The following WDPCP variants were observed in gnomAD, a reference collection of about 807,000 sequenced individuals.
WDPCP encodes the protein WD repeat-containing and planar cell polarity effector protein fritz homolog.
A neutral mutation model predicts 93.1 loss-of-function variants in WDPCP; 71 were observed. That is an observed-to-expected ratio of 0.76 (90% CI 0.63 to 0.93). WDPCP has a LOEUF of 0.93. Among genes scored for constraint, WDPCP ranks in the 40% least tolerant of loss-of-function variants. The pLI, the probability that WDPCP is intolerant of heterozygous loss-of-function variation, is 0.00. For missense variants in WDPCP, 844 were observed against 887.4 expected (o/e 0.95, Z 0.62); for synonymous variants, 315 against 315.0 (o/e 1.00, Z 0.00).
chr2:63,432,652 CAG>C lies in WDPCP; in HGVS notation c.825+1091_825+1092del, dbSNP rs140114173. Among the ~76,000 whole-genome samples the C allele has an allele frequency of 5.1e-3, 773 of 152,196 alleles. 10 individuals carry two copies. Among genetic ancestry groups the C allele is most frequent in the African/African-American group, 0.017 (715 of 41,548 alleles). On this transcript the variant is annotated intron_variant, in intron 9 of 17. Transcript: ENST00000272321. ...ACTGGAAAGGCAGGCCAAGGGCAAT[CAG>C]GGTGGGTTTTTTAGTGCTGAGGCTG... is the stretch of plus-strand genomic sequence containing the variant.
intron 8 of WDPCP, 91 bp downstream of exon 8, chr2:63,437,330 G>T: frequency 9.3e-7 from 1 of 1,074,760 alleles, no homozygotes; most frequent in Non-Finnish European, 1.3e-6. Context: ...ATCCAGAAAT[G>T]TTGAAGAATA....
chr2:63,714,031 GAAC>G (rs1445913717), intron 2 of WDPCP, among the ~76,000 whole-genome samples: 1 of 151,604 alleles, frequency 6.6e-6, no homozygotes, highest in Admixed American at 6.6e-5. Context: ...TCTTCGCTGC[GAAC>G]AACTATGTAT....
intron 13 of WDPCP, among the ~76,000 whole-genome samples, chr2:63,268,090 G>A (rs1390361193): frequency 6.6e-6 from 1 of 152,070 alleles, no homozygotes; most frequent in Non-Finnish European, 1.5e-5. Context: ...ATGGTTGAAT[G>A]GATAAAGGCA....
intron 13 of WDPCP, among the ~76,000 whole-genome samples, chr2:63,301,572 A>G (rs933167571): frequency 6.6e-6 from 1 of 152,196 alleles, no homozygotes; most frequent in African/African-American, 2.4e-5. Flanking sequence ...TCAAAGGGAA[A>G]TCACAGGCAG....
intron 2 of WDPCP, among the ~76,000 whole-genome samples, chr2:63,810,583 G>C (rs1476572715): frequency 7.2e-5 from 11 of 152,136 alleles, no homozygotes; most frequent in Admixed American, 7.2e-4. Flanking sequence ...AGCTATAAAA[G>C]AATTCCCTAA....
intron 9 of WDPCP, among the ~76,000 whole-genome samples, chr2:63,423,890 A>G (rs1464330830): frequency 6.6e-6 from 1 of 152,184 alleles, no homozygotes; most frequent in African/African-American, 2.4e-5. Flanking sequence ...ACGTACCTCT[A>G]CCACTGAGAG....
chr2:63,462,363 A>G (rs139369833), intron 6 of WDPCP, among the ~76,000 whole-genome samples: 3,098 of 152,122 alleles, frequency 0.02, 125 homozygotes, highest in African/African-American at 0.071. Context: ...GGTCGAGGAG[A>G]GGGGAGGGAT....
chr2:63,834,261 A>G, the WDPCP span, among the ~76,000 whole-genome samples: 1 of 152,164 alleles, frequency 6.6e-6, no homozygotes, highest in African/African-American at 2.4e-5. Flanking sequence ...ATAAATTTCT[A>G]TTACCCAAAT....
At chr2:63,631,884 T>C (rs1709868264) in intron 3 of WDPCP, among the ~76,000 whole-genome samples, 1 of 152,230 alleles carries the variant, frequency 6.6e-6, no homozygotes, top group African/African-American at 2.4e-5. Context: ...TGGAGAACCC[T>C]GTAGTGTTCA....
intron 2 of WDPCP, among the ~76,000 whole-genome samples, chr2:63,735,887 A>G (rs1669632335): frequency 6.6e-6 from 1 of 152,230 alleles, no homozygotes; most frequent in Non-Finnish European, 1.5e-5. Flanking sequence ...TACACAGAAA[A>G]TAACCCTAGC....
intron 2 of WDPCP, among the ~76,000 whole-genome samples, chr2:63,722,316 G>A (rs1036189920): frequency 4.0e-5 from 6 of 151,032 alleles, no homozygotes; most frequent in Non-Finnish European, 8.9e-5. Flanking sequence ...TCACATCTAG[G>A]AAGTGAGGAG....
intron 2 of WDPCP, among the ~76,000 whole-genome samples, chr2:63,775,565 A>G (rs1670291143): frequency 6.6e-6 from 1 of 152,184 alleles, no homozygotes; most frequent in African/African-American, 2.4e-5. Flanking sequence ...CCATGTATAC[A>G]TCATTAAAGT....
chr2:63,742,525 C>G (rs919918259), intron 2 of WDPCP, among the ~76,000 whole-genome samples: 1 of 151,576 alleles, frequency 6.6e-6, no homozygotes, highest in Admixed American at 6.6e-5. Context: ...GATCCATATC[C>G]TCTCACTAAT....
At chr2:63,605,193 T>C in intron 3 of WDPCP, 1 of 875,462 alleles carries the variant, frequency 1.1e-6, no homozygotes, top group Non-Finnish European at 1.8e-6. Context: ...TGGTCATAGC[T>C]TTTCACCCCA....
At chr2:63,286,906 T>A (rs1297235842) in intron 13 of WDPCP, among the ~76,000 whole-genome samples, 3 of 152,318 alleles carry the variant, frequency 2.0e-5, no homozygotes, top group African/African-American at 7.2e-5. Context: ...TTTATAGTAG[T>A]CGGCTAAGGC....
chr2:63,683,729 G>C (rs1216507419), intron 2 of WDPCP, among the ~76,000 whole-genome samples: 1 of 151,972 alleles, frequency 6.6e-6, no homozygotes, highest in African/African-American at 2.4e-5. Flanking sequence ...TGCGCCTGTA[G>C]TCCCAGCTAC....
chr2:63,738,718 T>C (rs556855780), intron 2 of WDPCP, among the ~76,000 whole-genome samples: 1 of 152,348 alleles, frequency 6.6e-6, no homozygotes, highest in Admixed American at 6.5e-5. Flanking sequence ...TAAATGTTTA[T>C]GTTTTTTAAA....
chr2:63,215,175 A>T (rs1382156370), intron 14 of WDPCP, among the ~76,000 whole-genome samples: 2 of 152,196 alleles, frequency 1.3e-5, no homozygotes, highest in African/African-American at 4.8e-5. Context: ...AGACAATCCT[A>T]AGCAAAAAGA....
At chr2:63,592,454 G>C (rs1194645120), upstream of WDPCP, among the ~76,000 whole-genome samples, 1 of 152,168 alleles carries the variant, frequency 6.6e-6, no homozygotes, top group Non-Finnish European at 1.5e-5. Context: ...AGGCTCAAGT[G>C]ATTCTCCTAC....
Sources: gnomAD v4.1 joint callset for allele counts (sites outside exome capture counted in the v4.1 genomes callset) on GRCh38, gnomAD v4.1.1 for gene constraint, MANE v1.5 for transcripts, NCBI Gene and HGNC (gene_info 2026-07-23, HGNC 2026-07-21) for gene names.